Variants in KCND2 observed in about 807,000 individuals in gnomAD.
KCND2 encodes the protein A-type voltage-gated potassium channel KCND2.
Under a neutral mutation model 54.4 loss-of-function variants are expected in KCND2, and 16 were observed. The observed-to-expected ratio is 0.29, with a 90% CI of 0.20 to 0.45. The LOEUF is 0.45. Ranked by LOEUF, KCND2 falls within the 20% of genes least tolerant of loss-of-function variation. KCND2 has a pLI of 1.00. For missense variants in KCND2, 486 were observed against 824.2 expected, an observed-to-expected ratio of 0.59 and a Z score of 5.02; for synonymous variants, 317 against 310.7, an observed-to-expected ratio of 1.02 and a Z score of -0.21.
intron 1 of KCND2, among the ~76,000 whole-genome samples, chr7:120,277,415 A>G (rs1799192366): frequency 6.6e-6 from 1 of 152,086 alleles, no homozygotes; most frequent in South Asian, 2.1e-4. Flanking sequence ...ACAAATGGGT[A>G]GTGCAAATCA....
At chr7:120,300,879 T>C (rs1306600028) in intron 1 of KCND2, among the ~76,000 whole-genome samples, 2 of 152,112 alleles carry the variant, frequency 1.3e-5, no homozygotes, top group Non-Finnish European at 2.9e-5. Context: ...AAAACTGAAC[T>C]TTTAGGTCAA....
chr7:120,405,699 TA>T (rs1801342275), intron 1 of KCND2, among the ~76,000 whole-genome samples: 1 of 152,066 alleles, frequency 6.6e-6, no homozygotes, highest in Admixed American at 6.6e-5. Flanking sequence ...AGAGAACAGA[TA>T]TTTTTAAAAA....
At chr7:120,558,610 T>C (rs1409366836) in intron 1 of KCND2, among the ~76,000 whole-genome samples, 1 of 152,174 alleles carries the variant, frequency 6.6e-6, no homozygotes, top group Non-Finnish European at 1.5e-5. Context: ...ATATCTTCAT[T>C]TGAATGATTC....
intron 1 of KCND2, among the ~76,000 whole-genome samples, chr7:120,544,887 G>GTCTTATTTT (rs1792024794): frequency 6.6e-6 from 1 of 151,828 alleles, no homozygotes; most frequent in Non-Finnish European, 1.5e-5. Flanking sequence ...CTGAGTCTAA[G>GTCTTATTTT]ACTGCTGAGA....
At chr7:120,711,601 G>A (rs977210129) in intron 1 of KCND2, among the ~76,000 whole-genome samples, 9 of 152,098 alleles carry the variant, frequency 5.9e-5, no homozygotes, top group African/African-American at 1.7e-4. Context: ...ATCACATGAG[G>A]ATATACCCGT....
intron 1 of KCND2, among the ~76,000 whole-genome samples, chr7:120,378,632 G>C (rs982589105): frequency 6.6e-6 from 1 of 152,034 alleles, no homozygotes; most frequent in East Asian, 1.9e-4. Context: ...TACGTGTAAA[G>C]CAGGTTCACA....
chr7:120,464,144 C>G (rs1202563667), intron 1 of KCND2: 1 of 879,188 alleles, frequency 1.1e-6, no homozygotes, highest in African/African-American at 1.9e-5. Context: ...ACTGCTATAT[C>G]AAATTGTATT....
chr7:120,744,736 A>G (rs1241668113), intron 4 of KCND2, among the ~76,000 whole-genome samples: 1 of 152,104 alleles, frequency 6.6e-6, no homozygotes, highest in African/African-American at 2.4e-5. Flanking sequence ...GTCTTGCTTC[A>G]ATTGTTTTAC....
chr7:120,581,102 T>C (rs1018701024), intron 1 of KCND2, among the ~76,000 whole-genome samples: 1 of 152,232 alleles, frequency 6.6e-6, no homozygotes, highest in Non-Finnish European at 1.5e-5. Context: ...ATTATAATTA[T>C]GTCTAATATA....
intron 1 of KCND2, among the ~76,000 whole-genome samples, chr7:120,537,453 A>C (rs1323370506): frequency 6.6e-6 from 1 of 152,214 alleles, no homozygotes; most frequent in Non-Finnish European, 1.5e-5. Flanking sequence ...CTTCAAATGA[A>C]GTCACCAGCT....
intron 1 of KCND2, among the ~76,000 whole-genome samples, chr7:120,636,113 GTTTA>G (rs1267030293): frequency 6.6e-6 from 1 of 151,942 alleles, no homozygotes; most frequent in Admixed American, 6.6e-5. Flanking sequence ...AGATTGATGG[GTTTA>G]TTTATTTGCT....
intron 1 of KCND2, among the ~76,000 whole-genome samples, chr7:120,331,144 AAT>A (rs2116347510): frequency 6.6e-6 from 1 of 152,270 alleles, no homozygotes; most frequent in South Asian, 2.1e-4. Context: ...AACATTTGAG[AAT>A]ATGTTTTTCC....
chr7:120,490,914 T>C (rs1430551740), intron 1 of KCND2, among the ~76,000 whole-genome samples: 4 of 152,156 alleles, frequency 2.6e-5, no homozygotes, highest in African/African-American at 4.8e-5. Context: ...AACGAGATTT[T>C]GGGAATCACA....
chr7:120,286,058 G>A (rs1799337698), intron 1 of KCND2, among the ~76,000 whole-genome samples: 1 of 151,580 alleles, frequency 6.6e-6, no homozygotes, highest in Admixed American at 6.6e-5. Context: ...CAGTCAAGTA[G>A]CAAATGTTGG....
At chr7:120,487,094 A>G (rs1383761341) in intron 1 of KCND2, among the ~76,000 whole-genome samples, 1 of 152,200 alleles carries the variant, frequency 6.6e-6, no homozygotes, top group Non-Finnish European at 1.5e-5. Context: ...ACAGTGCAGG[A>G]GCACTCTCAC....
chr7:120,747,101 C>T (rs1234788460), intron 5 of KCND2, among the ~76,000 whole-genome samples: 1 of 152,082 alleles, frequency 6.6e-6, no homozygotes, highest in Non-Finnish European at 1.5e-5. Context: ...ATCCTTCTCT[C>T]TCATTTCCCT....
chr7:120,548,924 A>T (rs542800821), intron 1 of KCND2, among the ~76,000 whole-genome samples: 1 of 152,214 alleles, frequency 6.6e-6, no homozygotes, highest in Admixed American at 6.5e-5. Context: ...GACCAAAGAG[A>T]GGTGCATAGC....
rs10632075 is a variant in KCND2, at chr7:120,678,343, T to TTTTATA, written c.1116-54559_1116-54558insTTATAT. ...GCTCTTCTACCGTAGGTATGATTAT[T>TTTTATA]TATATATATATATATATATATATAT... On this transcript the variant is annotated intron_variant, in intron 1 of 5. Coordinates refer to ENST00000331113, the MANE Select transcript of KCND2 (RefSeq NM_012281.3). Among the ~76,000 whole-genome samples the TTTTATA allele has an allele frequency of 1.4e-4, 17 of 120,278 alleles. No individual in the cohort carries two copies. The East Asian group carries it at 2.0e-3, about 14-fold the overall frequency. 78.9% of individuals were successfully genotyped at this position (120,278 alleles called of 152,430 possible). A position where few individuals can be genotyped will look rare whatever the true frequency, so the allele number is the denominator to read the frequency against.
intron 1 of KCND2, among the ~76,000 whole-genome samples, chr7:120,710,941 C>G (rs1792529921): frequency 6.6e-6 from 1 of 152,024 alleles, no homozygotes; most frequent in Admixed American, 6.6e-5. Flanking sequence ...TCATTTAGCT[C>G]CAGTATATTC....
Sources: gnomAD v4.1 joint callset for allele counts (sites outside exome capture counted in the v4.1 genomes callset) on GRCh38, gnomAD v4.1.1 for gene constraint, MANE v1.5 for transcripts, NCBI Gene and HGNC (gene_info 2026-07-23, HGNC 2026-07-21) for gene names.